Variants in FOXP1 observed in about 807,000 individuals in gnomAD.
The protein encoded by FOXP1 is forkhead box P1.
In FOXP1, 15 loss-of-function variants were observed where a neutral mutation model predicts 98.2. The observed-to-expected ratio is 0.15, with a 90% CI of 0.10 to 0.24. The LOEUF is 0.24. Ranked by LOEUF, FOXP1 falls within the 10% of genes least tolerant of loss-of-function variation. The pLI is 1.00. For synonymous variants in FOXP1, 371 were observed against 314.5 expected (o/e 1.18, Z -1.90); for missense variants, 633 against 848.5 (o/e 0.75, Z 3.15).
In FOXP1 at chr3:71,581,528, CCCGCGG is replaced by C; in HGVS notation, c.-298+15_-298+20del. 7 of 985,454 alleles carry C rather than the reference CCCGCGG, an allele frequency of 7.1e-6. No homozygotes were observed. The highest frequency in any genetic ancestry group is 8.4e-6 in the Non-Finnish European group (7 of 829,962). The allele number at this position is 985,454 out of a possible 1,614,324, so 61.0% of individuals were successfully genotyped here. On this transcript the variant is annotated intron_variant, in intron 2 of 20. Transcript: ENST00000649528. ...CTCTCCGGTGTCCCTGGACCCCGCG[CCCGCGG>C]CCGCCTCGACTTACCCGCGGAGTCC...
At position 70,956,668 on chromosome 3, in the gene FOXP1, A is replaced by C. The variant is rs935469663; in HGVS notation, c.*2579T>G. 1 of 189,498 alleles carries C rather than the reference A, an allele frequency of 5.3e-6. No individual in the cohort carries two copies. The highest frequency in any genetic ancestry group is 6.5e-5 in the Admixed American group (1 of 15,472). 11.7% of individuals were successfully genotyped at this position (189,498 alleles called of 1,614,324 possible). On this transcript the variant is annotated 3_prime_UTR_variant, in exon 21 of 21. Transcript: ENST00000649528. ...ACCAGCAACCACTCAGTTTAGAAGC[A>C]CAGGGCCCCCTTCCCATGACCCTGT...
intron 2 of FOXP1, among the ~76,000 whole-genome samples, chr3:71,495,500 C>G (rs1231638380): frequency 6.6e-6 from 1 of 152,186 alleles, no homozygotes; most frequent in African/African-American, 2.4e-5. Context: ...ATAAATGAAT[C>G]AACAACTGAA....
chr3:71,311,596 AT>A, intron 4 of FOXP1, among the ~76,000 whole-genome samples: 1 of 152,290 alleles, frequency 6.6e-6, no homozygotes, highest in South Asian at 2.1e-4. Flanking sequence ...CTACAGCTAG[AT>A]TTTATTATGG....
intron 6 of FOXP1, among the ~76,000 whole-genome samples, chr3:71,161,693 G>A (rs2061145024): frequency 6.6e-6 from 1 of 152,198 alleles, no homozygotes; most frequent in Non-Finnish European, 1.5e-5. Flanking sequence ...CTAAGAAACA[G>A]GGAGCAAGAC....
At chr3:71,469,720 G>T (rs969251661) in intron 3 of FOXP1, among the ~76,000 whole-genome samples, 22 of 152,118 alleles carry the variant, frequency 1.4e-4, no homozygotes, top group Non-Finnish European at 2.5e-4. Flanking sequence ...AGCCAAAATG[G>T]AAAGCCAGGG....
chr3:71,517,577 G>A (rs774931814), intron 2 of FOXP1, among the ~76,000 whole-genome samples: 1 of 152,174 alleles, frequency 6.6e-6, no homozygotes, highest in Non-Finnish European at 1.5e-5. Flanking sequence ...ATCCTTCCCA[G>A]AAATGGCCAG....
intron 7 of FOXP1, among the ~76,000 whole-genome samples, chr3:71,068,846 A>G (rs1303025139): frequency 6.6e-6 from 1 of 152,178 alleles, no homozygotes; most frequent in African/African-American, 2.4e-5. Flanking sequence ...CAGAAGGAGG[A>G]CTGCTTTAAG....
chr3:71,126,080 A>G (rs989071978), intron 6 of FOXP1, among the ~76,000 whole-genome samples: 1 of 152,268 alleles, frequency 6.6e-6, no homozygotes, highest in Non-Finnish European at 1.5e-5. Flanking sequence ...GAAAGTAATA[A>G]CTTCATGGTA....
At chr3:71,340,913 T>C (rs931443976) in intron 4 of FOXP1, among the ~76,000 whole-genome samples, 4 of 152,226 alleles carry the variant, frequency 2.6e-5, no homozygotes, top group Non-Finnish European at 4.4e-5. Flanking sequence ...AGAAGAGTTT[T>C]CTTTTGCTTG....
chr3:71,153,842 G>A (rs561681886), intron 6 of FOXP1, among the ~76,000 whole-genome samples: 1 of 152,154 alleles, frequency 6.6e-6, no homozygotes, highest in East Asian at 1.9e-4. Flanking sequence ...TGTAAATACT[G>A]TATACTTTCC....
rs1012441538 is a variant in FOXP1 at position 70,985,688 on chromosome 3, CT to C, written c.1146+2305del. On this transcript the variant is annotated intron_variant, in intron 14 of 20. Coordinates refer to ENST00000649528, the MANE Select transcript of FOXP1 (RefSeq NM_001349338.3). Reference sequence around the variant, plus strand: ...ACCACTTTTCATACACAAATGTGATCTTTTTTTTTTTCAAAGGGTAATACAA... The same window carrying C: ...ACCACTTTTCATACACAAATGTGATCTTTTTTTTTTCAAAGGGTAATACAA... Among the ~76,000 whole-genome samples the C allele has an allele frequency of 2.0e-3, 298 of 146,842 alleles. 1 individual carries two copies. Among genetic ancestry groups the C allele is most frequent in the Admixed American group, 3.0e-3 (44 of 14,670 alleles).
intron 6 of FOXP1, among the ~76,000 whole-genome samples, chr3:71,158,892 C>T (rs1576108699): frequency 6.6e-6 from 1 of 151,864 alleles, no homozygotes; most frequent in Admixed American, 6.6e-5. Context: ...ATCACTTGAG[C>T]CCAGGAGTTC....
At chr3:71,322,693 T>C (rs2075462193) in intron 4 of FOXP1, among the ~76,000 whole-genome samples, 1 of 152,092 alleles carries the variant, frequency 6.6e-6, no homozygotes, top group Non-Finnish European at 1.5e-5. Context: ...GGGGGAGCAG[T>C]GGCCACAGAG....
chr3:71,436,054 C>T lies in FOXP1; in HGVS notation c.-168+57372G>A, dbSNP rs1029324596. ...GAATCTGTCTACATATATTAATACC[C>T]TGTTATGTCACAACTGAAAACCATT... On this transcript the variant is annotated intron_variant, in intron 3 of 20. Transcript: ENST00000649528. Among the ~76,000 whole-genome samples, 3 of 151,890 alleles carry T rather than the reference C, an allele frequency of 2.0e-5. No homozygotes were observed. In the East Asian group the frequency reaches 5.8e-4, roughly 29 times the overall value.
At chr3:71,043,904 T>A (rs2048679140) in intron 10 of FOXP1, among the ~76,000 whole-genome samples, 2 of 150,930 alleles carry the variant, frequency 1.3e-5, no homozygotes, top group South Asian at 4.1e-4. Context: ...TCCAATGGGC[T>A]GGCAATCAGT....
At chr3:71,197,069 A>G (rs2063344740) in intron 6 of FOXP1, among the ~76,000 whole-genome samples, 3 of 152,318 alleles carry the variant, frequency 2.0e-5, no homozygotes, top group Middle Eastern at 6.8e-3. Context: ...AAAATAAAAC[A>G]TGCTTTATAG....
intron 5 of FOXP1, among the ~76,000 whole-genome samples, chr3:71,242,303 C>T (rs1028197520): frequency 6.6e-6 from 1 of 152,166 alleles, no homozygotes; most frequent in African/African-American, 2.4e-5. Flanking sequence ...AAACTTGCTG[C>T]ACCTATGGCA....
intron 3 of FOXP1, among the ~76,000 whole-genome samples, chr3:71,432,138 G>A (rs1577467198): frequency 6.6e-6 from 1 of 152,202 alleles, no homozygotes. Flanking sequence ...GTGTCCTCAA[G>A]AACTTCCATT....
chr3:71,229,752 G>A (rs1374377798), intron 5 of FOXP1, among the ~76,000 whole-genome samples: 1 of 151,882 alleles, frequency 6.6e-6, no homozygotes, highest in Non-Finnish European at 1.5e-5. Context: ...TAAAATAAAC[G>A]CCGGAAGTTG....
Sources: gnomAD v4.1 joint callset for allele counts (sites outside exome capture counted in the v4.1 genomes callset) on GRCh38, gnomAD v4.1.1 for gene constraint, MANE v1.5 for transcripts, NCBI Gene and HGNC (gene_info 2026-07-23, HGNC 2026-07-21) for gene names.